Variants in UBE2E3 observed in about 807,000 individuals in gnomAD.
The protein encoded by UBE2E3 is ubiquitin-conjugating enzyme E2 E3.
UBE2E3 carries 5 observed loss-of-function variants against 23.6 expected under a neutral mutation model. The observed-to-expected ratio is 0.21, with a 90% CI of 0.11 to 0.44. The LOEUF (loss-of-function observed/expected upper bound fraction) is 0.44. Ranked by LOEUF, UBE2E3 falls within the 20% of genes least tolerant of loss-of-function variation. The probability of loss-of-function intolerance (pLI) is 0.99; values close to 1 mark genes in which losing one functional copy is unlikely to be tolerated. For synonymous variants in UBE2E3, 78 were observed against 87.5 expected (o/e 0.89, Z 0.60); for missense variants, 81 against 249.8 (o/e 0.32, Z 4.55).
chr2:181,031,451 CAT>C (rs1251093940), intron 3 of UBE2E3, among the ~76,000 whole-genome samples: 1 of 152,062 alleles, frequency 6.6e-6, no homozygotes, highest in African/African-American at 2.4e-5. Context: ...GTTTCAGTAG[CAT>C]ATATTTTTAC....
At chr2:180,991,333 C>T (rs7578461) in intron 3 of UBE2E3, among the ~76,000 whole-genome samples, 35,311 of 151,978 alleles carry the variant, frequency 0.23, 4,468 homozygotes, top group Non-Finnish European at 0.28. Flanking sequence ...ACCTATGATA[C>T]GTTTACATAA....
chr2:181,006,735 G>A (rs142058942), intron 3 of UBE2E3, among the ~76,000 whole-genome samples: 2,297 of 151,830 alleles, frequency 0.015, 61 homozygotes, highest in African/African-American at 0.052. Flanking sequence ...ACCCTCTCTG[G>A]GTCCTTTCAT....
chr2:181,012,914 G>T (rs905552811), intron 3 of UBE2E3, among the ~76,000 whole-genome samples: 1 of 152,100 alleles, frequency 6.6e-6, no homozygotes, highest in Admixed American at 6.6e-5. Flanking sequence ...TTGGTATTTA[G>T]AATATACCAG....
chr2:181,042,136 C>T (rs1686530304), intron 3 of UBE2E3, among the ~76,000 whole-genome samples: 1 of 152,188 alleles, frequency 6.6e-6, no homozygotes, highest in South Asian at 2.1e-4. Flanking sequence ...ATTTAATTGT[C>T]ACATCTCTTA....
intron 3 of UBE2E3, among the ~76,000 whole-genome samples, chr2:181,021,247 C>T (rs1179804678): frequency 6.6e-6 from 1 of 151,948 alleles, no homozygotes; most frequent in Non-Finnish European, 1.5e-5. Flanking sequence ...GTATTGTTTT[C>T]CCTTGTGAAG....
chr2:181,008,604 G>A (rs1443616405), intron 3 of UBE2E3, among the ~76,000 whole-genome samples: 1 of 152,188 alleles, frequency 6.6e-6, no homozygotes, highest in East Asian at 1.9e-4. Context: ...GCAGCATTAG[G>A]GGCAGCCCCA....
chr2:181,048,660 T>A (rs1439853921), intron 3 of UBE2E3, among the ~76,000 whole-genome samples: 1 of 125,984 alleles, frequency 7.9e-6, no homozygotes, highest in African/African-American at 2.7e-5. Flanking sequence ...CCTCTCACCC[T>A]AATTGTCTGT....
At position 181,011,104 on chromosome 2, in the gene UBE2E3, T is replaced by G. The variant is rs868590926; in HGVS notation, c.245+27011T>G. Among the ~76,000 whole-genome samples, 4 of 151,980 alleles carry G rather than the reference T, an allele frequency of 2.6e-5. No homozygotes were observed. The South Asian group carries it at 8.3e-4, about 32-fold the overall frequency. On this transcript the variant is annotated intron_variant, in intron 3 of 5. Coordinates refer to ENST00000410062, the MANE Select transcript of UBE2E3 (RefSeq NM_006357.4). ...CTTGACTTTTTTTTTTTTAATTAGT[T>G]AGAGCCAGAACAACAATTCAGATTT...
chr2:181,058,840 C>G (rs746020436), intron 4 of UBE2E3, among the ~76,000 whole-genome samples: 1 of 151,722 alleles, frequency 6.6e-6, no homozygotes, highest in Non-Finnish European at 1.5e-5. Flanking sequence ...TTACCCCAAA[C>G]CGCAGACACC....
intron 3 of UBE2E3, among the ~76,000 whole-genome samples, chr2:181,015,530 G>A (rs1376831193): frequency 1.3e-5 from 2 of 152,104 alleles, no homozygotes; most frequent in African/African-American, 4.8e-5. Context: ...GTATAATCTG[G>A]AGGAAATGCA....
intron 3 of UBE2E3, among the ~76,000 whole-genome samples, chr2:181,044,957 A>G (rs1394499613): frequency 6.6e-6 from 1 of 152,196 alleles, no homozygotes; most frequent in Non-Finnish European, 1.5e-5. Flanking sequence ...TTAGAATTTA[A>G]AGTCAGAGAA....
chr2:180,995,012 C>T (rs140857104), intron 3 of UBE2E3, among the ~76,000 whole-genome samples: 1 of 152,298 alleles, frequency 6.6e-6, no homozygotes, highest in East Asian at 1.9e-4. Context: ...TTGTAGCCAC[C>T]TCCTGTTGCT....
intron 3 of UBE2E3, among the ~76,000 whole-genome samples, chr2:181,035,974 G>A (rs962107580): frequency 6.6e-6 from 1 of 152,194 alleles, no homozygotes; most frequent in African/African-American, 2.4e-5. Context: ...AGTGATGTCA[G>A]TACAGTGCAT....
At chr2:181,040,862 T>C (rs1383896446) in intron 3 of UBE2E3, among the ~76,000 whole-genome samples, 2 of 152,132 alleles carry the variant, frequency 1.3e-5, no homozygotes, top group Admixed American at 1.3e-4. Context: ...AAATGAGCTA[T>C]TTTTTTACCT....
chr2:180,981,878 C>A, intron 1 of UBE2E3, 140 bp from the exon 2 acceptor site: 1 of 649,176 alleles, frequency 1.5e-6, no homozygotes, highest in Non-Finnish European at 2.6e-6. Flanking sequence ...GTACGTACCC[C>A]TGTTGTACGA....
chr2:181,062,725 A>G, intron 5 of UBE2E3, 66 bp from the exon 6 acceptor site: 1 of 868,196 alleles, frequency 1.2e-6, no homozygotes, highest in South Asian at 1.9e-5. Flanking sequence ...TTTTAATAGA[A>G]TATTAGAACT....
chr2:181,029,882 G>A (rs1438094077), intron 3 of UBE2E3, among the ~76,000 whole-genome samples: 1 of 149,798 alleles, frequency 6.7e-6, no homozygotes, highest in Non-Finnish European at 1.5e-5. Flanking sequence ...CTGTCGCCAG[G>A]TGGGGGTGCA....
intron 3 of UBE2E3, among the ~76,000 whole-genome samples, chr2:180,985,579 G>A (rs373119518): frequency 2.3e-4 from 35 of 152,000 alleles, no homozygotes; most frequent in African/African-American, 8.0e-4. Context: ...GAACAGTGCC[G>A]CTTTAGAGAA....
At chr2:181,060,627 A>ATT in intron 4 of UBE2E3, 38 bp from the exon 5 acceptor site, 1 of 1,534,758 alleles carries the variant, frequency 6.5e-7, no homozygotes, top group Non-Finnish European at 8.8e-7. Context: ...GTAATACAGC[A>ATT]TTCATTTTCC....
Sources: allele counts gnomAD v4.1 joint callset (sites outside exome capture counted in the v4.1 genomes callset), GRCh38; gene constraint gnomAD v4.1.1; transcripts MANE v1.5; gene names NCBI Gene and HGNC (gene_info 2026-07-23, HGNC 2026-07-21).